Variants in APC observed in about 807,000 individuals in gnomAD.
APC encodes APC regulator of Wnt signaling pathway, also known as adenomatous polyposis coli protein.
APC carries 72 observed loss-of-function variants against 247.0 expected under a neutral mutation model. That is an observed-to-expected ratio of 0.29 (90% confidence interval 0.24 to 0.35). The LOEUF is 0.35. Among genes scored for constraint, APC ranks in the 10% least tolerant of loss-of-function variants. APC has a pLI of 1.00. For missense variants in APC, 3,400 were observed against 3,360.7 expected (o/e 1.01, Z -0.29); for synonymous variants, 1,254 against 1,162.5 (o/e 1.08, Z -1.60).
At chr5:112,724,363 T>C (rs1751652736) in intron 1 of APC, among the ~76,000 whole-genome samples, 1 of 152,170 alleles carries the variant, frequency 6.6e-6, no homozygotes, top group African/African-American at 2.4e-5. Context: ...CTGCTTAGGA[T>C]AGGTATAGAC....
chr5:112,818,855 G>GGGTGTTTTGT, intron 9 of APC, 111 bp from the exon 10 acceptor site: 1 of 1,118,296 alleles, frequency 8.9e-7, no homozygotes, highest in Non-Finnish European at 1.3e-6. Flanking sequence ...GGCGGGGGGG[G>GGGTGTTTTGT]TTGTTTTGTT....
intron 1 of APC, among the ~76,000 whole-genome samples, chr5:112,722,420 G>T (rs868154382): frequency 1.2e-4 from 19 of 152,294 alleles, no homozygotes; most frequent in Middle Eastern, 6.8e-3. Flanking sequence ...AGACACCTGT[G>T]ACCAAAGACG....
Position 112,845,308 on chromosome 5 carries a change from C to T in APC, c.*1182C>T, listed in dbSNP as rs1766889209. 2 of 232,618 alleles carry T rather than the reference C, an allele frequency of 8.6e-6. No individual in the cohort carries two copies. Among genetic ancestry groups the T allele is most frequent in the African/African-American group, 2.2e-5 (1 of 45,286 alleles). The allele number at this position is 232,618 out of a possible 1,614,324, so 14.4% of individuals were successfully genotyped here. ...TGTAATAGCAATGCAAGCAGCCTAGCACAGACTAAGCATTGAGCATAATAG... is the reference window on the plus strand; with the variant it reads ...TGTAATAGCAATGCAAGCAGCCTAGTACAGACTAAGCATTGAGCATAATAG... On this transcript the variant is annotated 3_prime_UTR_variant, in exon 16 of 16. Coordinates refer to ENST00000257430, the MANE Select transcript of APC (RefSeq NM_000038.6).
chr5:112,802,139 T>G (rs1760897343), intron 8 of APC, among the ~76,000 whole-genome samples: 2 of 152,138 alleles, frequency 1.3e-5, no homozygotes, highest in East Asian at 1.9e-4. Context: ...AAGGTAATTT[T>G]TCTACTGTTG....
intron 6 of APC, chr5:112,783,722 A>G (rs575896190): frequency 3.4e-6 from 1 of 295,846 alleles, no homozygotes; most frequent in East Asian, 1.0e-4. Context: ...CCTTGAGCCC[A>G]GGAGTTCAAG....
At chr5:112,783,853 G>A in intron 6 of APC, 1 of 316,804 alleles carries the variant, frequency 3.2e-6, no homozygotes, top group Non-Finnish European at 6.1e-6. Flanking sequence ...CAGAAGATGT[G>A]AATAGTTCCA....
At chr5:112,730,632 C>A (rs1395387561) in intron 1 of APC, among the ~76,000 whole-genome samples, 1 of 152,144 alleles carries the variant, frequency 6.6e-6, no homozygotes, top group African/African-American at 2.4e-5. Context: ...AATTGCATGG[C>A]CCTTTCTAAG....
Position 112,843,600 on chromosome 5 carries a change from C to G in APC, c.8006C>G (p.Pro2669Arg), listed in dbSNP as rs1335624903. ...VRIEDCPINN[P>R]RSGRSPTGNT... is the part of the protein sequence containing the mutation. The stretch of plus-strand genomic sequence containing the variant: ...ATTGAGGACTGTCCCATTAACAATC[C>G]TAGATCTGGAAGATCTCCCACAGGT... The change falls in exon 16 of 16, where the codon CCT becomes CGT. Residue 2669 changes from proline (P) to arginine (R), a missense_variant. Transcript: ENST00000257430. This position sits in a 1 kb window ranked among gnomAD's most constrained non-coding sequence, Gnocchi z 4.8. 2.5e-6 allele frequency: 4 copies of G among 1,613,938 alleles called. No homozygotes were observed. The highest frequency in any genetic ancestry group is 2.2e-5 in the East Asian group (1 of 44,888).
rs558447761 is a variant in APC at position 112,786,111 on chromosome 5, G to T, written c.645+5208G>T. 3.5e-4 allele frequency among the ~76,000 whole-genome samples: 54 copies of T among 152,120 alleles called. 1 individual carries two copies. Among genetic ancestry groups the T allele is most frequent in the Non-Finnish European group, 6.9e-4 (47 of 68,014 alleles). Reference sequence around the variant, plus strand: ...TGTTTTTGTTTTGTTCAGAGAGGGGGTTTTGCTGGTTGCCCAGGCTGTAGT... The same window carrying T: ...TGTTTTTGTTTTGTTCAGAGAGGGGTTTTTGCTGGTTGCCCAGGCTGTAGT... On this transcript the variant is annotated intron_variant, in intron 6 of 15. Transcript: ENST00000257430.
chr5:112,735,978 A>G (rs1299386088), upstream of APC, among the ~76,000 whole-genome samples: 1 of 152,210 alleles, frequency 6.6e-6, no homozygotes, highest in Non-Finnish European at 1.5e-5. Context: ...CAAGAGTAAT[A>G]GGCTTACAAT....
rs777206261 is a variant in APC at position 112,842,345 on chromosome 5, C to G, written c.6751C>G (p.Pro2251Ala). ...TACAAGTCCTGTTTCTAAAAAAGGC[C>G]CACCCCTTAAGACTCCAGCCTCCAA... ...SSTSPVSKKG[P>A]PLKTPASKSP... is the part of the protein sequence containing the mutation. The change falls in exon 16 of 16, where the codon CCA becomes GCA. Residue 2251 changes from proline (P) to alanine (A), a missense_variant. This residue lies in a region of APC where 1,788 missense variants were observed against 1,649.5 expected (regional missense o/e 1.08). Transcript: ENST00000257430. The G allele has an allele frequency of 6.2e-7, 1 of 1,613,904 alleles. No homozygotes were observed. The highest frequency in any genetic ancestry group is 8.5e-7 in the Non-Finnish European group (1 of 1,179,892).
intron 7 of APC, among the ~76,000 whole-genome samples, chr5:112,795,132 T>C (rs1463149708): frequency 6.6e-6 from 1 of 152,168 alleles, no homozygotes; most frequent in Non-Finnish European, 1.5e-5. Flanking sequence ...GTTCAAGCGA[T>C]TCTCCTGCCT....
chr5:112,835,765 G>A (rs1355328199), intron 15 of APC, among the ~76,000 whole-genome samples: 1 of 151,620 alleles, frequency 6.6e-6, no homozygotes, highest in Admixed American at 6.6e-5. Flanking sequence ...GTAGAGATGG[G>A]GTTTCACAAT....
intron 13 of APC, 108 bp downstream of exon 13, chr5:112,828,114 C>A: frequency 1.2e-6 from 1 of 867,968 alleles, no homozygotes; most frequent in Non-Finnish European, 1.9e-6. Context: ...CAGCTCACTG[C>A]AACCTCTGCC....
At chr5:112,805,009 A>T (rs1283850684) in intron 8 of APC, among the ~76,000 whole-genome samples, 3 of 146,312 alleles carry the variant, frequency 2.1e-5, no homozygotes, top group East Asian at 2.0e-4. Context: ...TCTAAAAAAT[A>T]AAAAAAAAAA....
At chr5:112,708,104 C>G (rs993201505) in intron 1 of APC, among the ~76,000 whole-genome samples, 2 of 152,182 alleles carry the variant, frequency 1.3e-5, no homozygotes, top group Admixed American at 6.5e-5. Context: ...CGACGCCCGC[C>G]GTCCTCCACC....
rs968943120 is a variant in APC, at chr5:112,707,547, G to C, written c.-171G>C. 2.4e-5 allele frequency: 13 copies of C among 549,244 alleles called. No individual in the cohort carries two copies. Among genetic ancestry groups the C allele is most frequent in the South Asian group, 1.1e-4 (6 of 53,114 alleles). 34.0% of individuals were successfully genotyped at this position (549,244 alleles called of 1,614,324 possible). On this transcript the variant is annotated 5_prime_UTR_variant, in exon 1 of 14. Coordinates refer to the APC transcript ENST00000507379. ...CAAGATGGCGGAGGGCAAGTAGCAA[G>C]GGGGCGGGGTGTGGCCGCCGGAAGC...
intron 9 of APC, among the ~76,000 whole-genome samples, chr5:112,817,253 T>C (rs909735079): frequency 6.6e-6 from 1 of 152,206 alleles, no homozygotes; most frequent in Admixed American, 6.5e-5. Flanking sequence ...CGAATTCCAT[T>C]AATTGTTTTC....
At chr5:112,727,650 T>C (rs1362752851) in intron 1 of APC, among the ~76,000 whole-genome samples, 11 of 152,212 alleles carry the variant, frequency 7.2e-5, no homozygotes, top group Admixed American at 5.9e-4. Flanking sequence ...ATTAAATAAA[T>C]GATCATTTTG....
Sources: allele counts gnomAD v4.1 joint callset (sites outside exome capture counted in the v4.1 genomes callset), GRCh38; gene constraint gnomAD v4.1.1; regional missense constraint gnomAD v4.1.1; non-coding constraint Gnocchi (gnomAD v3.1); transcripts MANE v1.5; gene names NCBI Gene and HGNC (gene_info 2026-07-23, HGNC 2026-07-21).